The following CLCF1 variants were observed in gnomAD, a reference collection of about 807,000 sequenced individuals.
The protein encoded by CLCF1 is cardiotrophin-like cytokine factor 1.
Under a neutral mutation model 21.2 loss-of-function variants are expected in CLCF1, and 10 were observed. The observed-to-expected ratio is 0.47, with a 90% confidence interval of 0.29 to 0.80. The LOEUF (loss-of-function observed/expected upper bound fraction) is 0.80. Ranked by LOEUF, CLCF1 falls within the 30% of genes least tolerant of loss-of-function variation. The pLI is 0.09. For synonymous variants in CLCF1, 115 were observed against 120.5 expected (o/e 0.95, Z 0.30); for missense variants, 240 against 293.4 (o/e 0.82, Z 1.33).
intron 1 of CLCF1, chr11:67,369,372 C>T (rs1862183339): frequency 7.1e-6 from 7 of 985,268 alleles, no homozygotes; most frequent in Non-Finnish European, 8.4e-6. Context: ...TAGGGTCAGG[C>T]ACTCAACTGC....
intron 1 of CLCF1, chr11:67,368,824 T>C (rs1207319048): frequency 2.0e-6 from 2 of 984,924 alleles, no homozygotes; most frequent in African/African-American, 1.8e-5. Context: ...CTGCTTGTCA[T>C]GTTATGAAGA....
At chr11:67,371,652 C>G (rs1862236713) in intron 1 of CLCF1, among the ~76,000 whole-genome samples, 1 of 152,092 alleles carries the variant, frequency 6.6e-6, no homozygotes, top group Non-Finnish European at 1.5e-5. Flanking sequence ...GGGAGCCCAG[C>G]AGCCCACTGA....
At chr11:67,367,103 T>C (rs1354627432) in intron 2 of CLCF1, among the ~76,000 whole-genome samples, 1 of 151,466 alleles carries the variant, frequency 6.6e-6, no homozygotes. Context: ...GCATGGGAGG[T>C]GGGGCCCCTC....
intron 1 of CLCF1, chr11:67,369,599 T>C (rs1388705969): frequency 1.0e-6 from 1 of 985,336 alleles, no homozygotes; most frequent in Non-Finnish European, 1.2e-6. Flanking sequence ...GTTTTGGAGA[T>C]TGGAGACCTG....
At position 67,367,514 on chromosome 11, in the gene CLCF1, G is replaced by A. The variant is rs1565106662; in HGVS notation, c.129C>T (p.Thr43=). The A allele has an allele frequency of 5.0e-6, 8 of 1,614,244 alleles. No homozygotes were observed. The highest frequency in any genetic ancestry group is 5.9e-6 in the Non-Finnish European group (7 of 1,180,028). The change falls in exon 2 of 3, where the codon ACC becomes ACT. Residue 43 remains threonine (T), a synonymous_variant. Coordinates refer to ENST00000312438, the MANE Select transcript of CLCF1 (RefSeq NM_013246.3). The part of the protein sequence containing the change: ...DPGPGPSIQK[T]YDLTRYLEHQ... The stretch of plus-strand genomic sequence containing the variant: ...GCTCCAGGTAGCGGGTGAGGTCATA[G>A]GTTTTCTGGATGGAGGGGCCAGGCC...
At chr11:67,368,691 C>T (rs1038413412) in intron 1 of CLCF1, 10 of 985,244 alleles carry the variant, frequency 1.0e-5, no homozygotes, top group Non-Finnish European at 1.2e-5. Context: ...TTAGTTTAGA[C>T]TTGGGATTTG....
chr11:67,372,864 A>C lies in CLCF1; in HGVS notation c.16+660T>G. ...CTCGCGGCCGCCGCCCGCCGCCCCT[A>C]CCTGCCGCCGGCTCCCCGGCCGTGG... On this transcript the variant is annotated intron_variant, in intron 1 of 2. Coordinates refer to ENST00000312438, the MANE Select transcript of CLCF1 (RefSeq NM_013246.3). The surrounding 1 kb of genome is among the most constrained non-coding windows in gnomAD (Gnocchi z 5.9). Among the ~76,000 whole-genome samples, 1 of 144,354 alleles carries C rather than the reference A, an allele frequency of 6.9e-6. No homozygotes were observed. The highest frequency in any genetic ancestry group is 1.5e-5 in the Non-Finnish European group (1 of 65,376). The allele number at this position is 144,354 out of a possible 152,430, so 94.7% of individuals were successfully genotyped here.
In CLCF1 at chr11:67,365,187, C is replaced by T. The variant is rs1862069497; in HGVS notation, c.627G>A (p.Met209Ile). 2 of 1,613,924 alleles carry T rather than the reference C, an allele frequency of 1.2e-6. No individual in the cohort carries two copies. Among genetic ancestry groups the T allele is most frequent in the African/African-American group, 2.7e-5 (2 of 74,928 alleles). The change falls in exon 3 of 3, where the codon ATG becomes ATA. Residue 209 changes from methionine to isoleucine, a missense_variant. Met to Ile is a conservative substitution (Grantham distance 10). Coordinates refer to ENST00000312438, the MANE Select transcript of CLCF1 (RefSeq NM_013246.3). The surrounding 1 kb of genome is among the most constrained non-coding windows in gnomAD (Gnocchi z 5.0). ...AKDFNRLKKK[M>I]QPPAAAVTLH... ...GGGTGACTGCAGCTGCTGGAGGCTG[C>T]ATCTTCTTCTTGAGCCGGTTGAAGT...
At position 67,366,366 on chromosome 11, in the gene CLCF1, C is replaced by T. The variant is rs118152485; in HGVS notation, c.184-736G>A. 2.6e-3 allele frequency among the ~76,000 whole-genome samples: 393 copies of T among 152,244 alleles called. 4 individuals carry two copies. The highest frequency in any genetic ancestry group is 0.023 in the East Asian group (120 of 5,166). On this transcript the variant is annotated intron_variant, in intron 2 of 2. Transcript: ENST00000312438. ...TGAGAGTGGCCCATTGGAACCAGAG[C>T]CCCATTTGCCGCTGACACACCCAGG... is the stretch of plus-strand genomic sequence containing the variant.
intron 1 of CLCF1, chr11:67,370,114 G>GA: frequency 3.0e-5 from 30 of 985,374 alleles, no homozygotes; most frequent in Non-Finnish European, 3.6e-5. Flanking sequence ...TAGGAGAAAA[G>GA]AAAGGGGGGG....
At position 67,372,824 on chromosome 11, in the gene CLCF1, C is replaced by T. The variant is rs1862268501; in HGVS notation, c.16+700G>A. 6.7e-6 allele frequency among the ~76,000 whole-genome samples: 1 copy of T among 150,066 alleles called. No homozygotes were observed. Among genetic ancestry groups the T allele is most frequent in the South Asian group, 2.1e-4 (1 of 4,820 alleles). On this transcript the variant is annotated intron_variant, in intron 1 of 2. Coordinates refer to ENST00000312438, the MANE Select transcript of CLCF1 (RefSeq NM_013246.3). The surrounding 1 kb of genome is among the most constrained non-coding windows in gnomAD (Gnocchi z 5.9). ...CCAAACAATAATCACTCCCAGGCCA[C>T]GGTGGCCCGGGGGACTCGCGGCCGC...
intron 1 of CLCF1, chr11:67,368,086 GCAGGCTGAGCA>G: frequency 1.0e-6 from 1 of 985,402 alleles, no homozygotes; most frequent in Non-Finnish European, 1.2e-6. Context: ...GTCAGAGCTG[GCAGGCTGAGCA>G]CAGTCAGCCC....
intron 1 of CLCF1, among the ~76,000 whole-genome samples, chr11:67,373,032 G>T (rs1263969937): frequency 2.2e-5 from 3 of 138,630 alleles, no homozygotes; most frequent in Non-Finnish European, 4.7e-5. Context: ...CCTCCCGCCC[G>T]CCCTCCTACC....
Position 67,372,900 on chromosome 11 carries a change from G to A in CLCF1, c.16+624C>T, listed in dbSNP as rs1449067365. On this transcript the variant is annotated intron_variant, in intron 1 of 2. Coordinates refer to ENST00000312438, the MANE Select transcript of CLCF1 (RefSeq NM_013246.3). The surrounding 1 kb of genome is among the most constrained non-coding windows in gnomAD (Gnocchi z 5.9). ...GCTCCCCGGCCGTGGGCACCATGGA[G>A]GGTTCCGGCCGCGCGGCGCGTAGCT... Among the ~76,000 whole-genome samples the A allele has an allele frequency of 2.0e-5, 3 of 149,714 alleles. No homozygotes were observed. Among genetic ancestry groups the A allele is most frequent in the African/African-American group, 7.3e-5 (3 of 40,920 alleles).
In CLCF1 at chr11:67,365,894, T is replaced by C. The variant is rs1490508893; in HGVS notation, c.184-264A>G. Among the ~76,000 whole-genome samples the C allele has an allele frequency of 6.6e-6, 1 of 152,010 alleles. No individual in the cohort carries two copies. The highest frequency in any genetic ancestry group is 2.4e-5 in the African/African-American group (1 of 41,368). On this transcript the variant is annotated intron_variant, in intron 2 of 2. Transcript: ENST00000312438. This position sits in a 1 kb window ranked among gnomAD's most constrained non-coding sequence, Gnocchi z 5.0. ...GAGGAGGAGGAGACGCACAAGACGCTCAGGAAGGACGTGCTGATTGGCTGG... is the reference window on the plus strand; with the variant it reads ...GAGGAGGAGGAGACGCACAAGACGCCCAGGAAGGACGTGCTGATTGGCTGG...
rs576545949 is a variant in CLCF1 at position 67,369,059 on chromosome 11, G to T, written c.17-1433C>A. ...GGTATAACGCTTTGCCCATGGTTAGGATGGGATTTGGATTCAAGAAAGAAT... is the reference window on the plus strand; with the variant it reads ...GGTATAACGCTTTGCCCATGGTTAGTATGGGATTTGGATTCAAGAAAGAAT... On this transcript the variant is annotated intron_variant, in intron 1 of 2. Transcript: ENST00000312438. The T allele has an allele frequency of 1.4e-3, 1,354 of 984,830 alleles. 2 individuals carry two copies. Among genetic ancestry groups the T allele is most frequent in the Middle Eastern group, 2.6e-3 (5 of 1,912 alleles). The allele number at this position is 984,830 out of a possible 1,614,324, so 61.0% of individuals were successfully genotyped here.
At position 67,372,381 on chromosome 11, in the gene CLCF1, G is replaced by A. The variant is rs971535470; in HGVS notation, c.16+1143C>T. The stretch of plus-strand genomic sequence containing the variant: ...CCCAGCACGGAGTTGTGGAAAGGAA[G>A]GCGGGTGGGGAGAGCAAGCATGAGG... On this transcript the variant is annotated intron_variant, in intron 1 of 2. Coordinates refer to ENST00000312438, the MANE Select transcript of CLCF1 (RefSeq NM_013246.3). The surrounding 1 kb of genome is among the most constrained non-coding windows in gnomAD (Gnocchi z 5.9). Among the ~76,000 whole-genome samples, 6 of 152,102 alleles carry A rather than the reference G, an allele frequency of 3.9e-5. No individual in the cohort carries two copies. Among genetic ancestry groups the A allele is most frequent in the Non-Finnish European group, 8.8e-5 (6 of 67,980 alleles).
At chr11:67,373,471 C>T (rs1396182056) in intron 1 of CLCF1, 53 bp downstream of exon 1, 9 of 1,012,536 alleles carry the variant, frequency 8.9e-6, no homozygotes, top group Non-Finnish European at 1.3e-5. Context: ...GGAACCGGAT[C>T]TCGTGGCTGC....
intron 1 of CLCF1, chr11:67,368,391 G>A: frequency 1.0e-6 from 1 of 985,374 alleles, no homozygotes; most frequent in Non-Finnish European, 1.2e-6. Flanking sequence ...CTGCAAGGGT[G>A]GGGACAGGAA....
Sources: gnomAD v4.1 joint callset for allele counts (sites outside exome capture counted in the v4.1 genomes callset) on GRCh38, gnomAD v4.1.1 for gene constraint, Gnocchi (gnomAD v3.1) non-coding constraint, MANE v1.5 for transcripts, NCBI Gene and HGNC (gene_info 2026-07-23, HGNC 2026-07-21) for gene names.